CPEB2: variants seen among roughly 807,000 people sequenced by gnomAD.
The protein encoded by CPEB2 is cytoplasmic polyadenylation element binding protein 2.
CPEB2 carries 56 observed loss-of-function variants against 93.6 expected under a neutral mutation model. The observed-to-expected ratio is 0.60, with a 90% CI of 0.48 to 0.75. The LOEUF (loss-of-function observed/expected upper bound fraction) is 0.75, where lower values mean the gene tolerates loss of function less well. Among genes scored for constraint, CPEB2 ranks in the 30% least tolerant of loss-of-function variants. The pLI is 0.00. For synonymous variants in CPEB2, 764 were observed against 586.3 expected, an observed-to-expected ratio of 1.30 and a Z score of -4.38; for missense variants, 1,579 against 1,395.1, an observed-to-expected ratio of 1.13 and a Z score of -2.10.
chr4:15,054,300 G>A, intron 8 of CPEB2, 83 bp downstream of exon 8: 1 of 905,994 alleles, frequency 1.1e-6, no homozygotes, highest in Middle Eastern at 2.5e-4. Context: ...TAGCCAGTTA[G>A]GAATCATAAG....
chr4:15,060,697 AT>A (rs1288668071), intron 10 of CPEB2, among the ~76,000 whole-genome samples: 1 of 152,166 alleles, frequency 6.6e-6, no homozygotes, highest in Non-Finnish European at 1.5e-5. Flanking sequence ...AGAAATTTCA[AT>A]TAAACCATGG....
In CPEB2 at chr4:15,003,845, CACCCCA is replaced by C; in HGVS notation, c.1173_1178del (p.Pro394_Gln395del). On this transcript the variant is annotated inframe_deletion, in exon 1 of 12. Coordinates refer to ENST00000538197, the MANE Select transcript of CPEB2 (RefSeq NM_001177382.2). The stretch of plus-strand genomic sequence containing the variant: ...TGGTCGGTGCAGACCGCGTCGCCGC[CACCCCA>C]GCCCCAGCAGCCGCCGCCGACCCAG... 1 of 887,314 alleles carries C rather than the reference CACCCCA, an allele frequency of 1.1e-6. No individual in the cohort carries two copies. 55.0% of individuals were successfully genotyped at this position (887,314 alleles called of 1,614,324 possible). A position where few individuals can be genotyped will look rare whatever the true frequency, so the allele number is the denominator to read the frequency against.
intron 3 of CPEB2, among the ~76,000 whole-genome samples, chr4:15,015,923 ATC>A (rs1265631618): frequency 6.6e-6 from 1 of 152,040 alleles, no homozygotes; most frequent in African/African-American, 2.4e-5. Flanking sequence ...TAAATGTGGC[ATC>A]TCTGTCTCTC....
intron 1 of CPEB2, among the ~76,000 whole-genome samples, chr4:15,006,881 A>G (rs1281641445): frequency 6.6e-6 from 1 of 152,184 alleles, no homozygotes; most frequent in East Asian, 1.9e-4. Context: ...TATGAGTAGG[A>G]TATTTTAATT....
chr4:15,005,033 C>G (rs960999982), intron 1 of CPEB2: 10 of 152,180 alleles, frequency 6.6e-5, no homozygotes, highest in Non-Finnish European at 1.3e-4. Flanking sequence ...AAGCTCCGCC[C>G]GATCAACCTG....
chr4:15,069,936 TTATGGACACTAGG>T lies in CPEB2; in HGVS notation c.*3559_*3571del, dbSNP rs566220196. The T allele has an allele frequency of 1.3e-3, 193 of 152,328 alleles. No homozygotes were observed. The highest frequency in any genetic ancestry group is 4.6e-3 in the African/African-American group (191 of 41,526). The allele number at this position is 152,328 out of a possible 1,614,324, so 9.4% of individuals were successfully genotyped here. A position where few individuals can be genotyped will look rare whatever the true frequency, so the allele number is the denominator to read the frequency against. ...CTAAATAAAAAGAGAACCCATGCTT[TTATGGACACTAGG>T]TAAACACCTTCAGCTTAAATTTTTC... On this transcript the variant is annotated 3_prime_UTR_variant, in exon 12 of 12. Transcript: ENST00000538197.
At position 15,007,507 on chromosome 4, in the gene CPEB2, C is replaced by T; in HGVS notation, c.1865C>T (p.Pro622Leu). 1.2e-6 allele frequency: 2 copies of T among 1,613,936 alleles called. No homozygotes were observed. The highest frequency in any genetic ancestry group is 1.7e-6 in the Non-Finnish European group (2 of 1,179,856). ...IAPPKFTRST[P>L]SLTPKSWIED... ...CCACCGAAATTTACTCGCTCAACTCCATCACTGACTCCAAAATCTTGGATT... is the reference window on the plus strand; with the variant it reads ...CCACCGAAATTTACTCGCTCAACTCTATCACTGACTCCAAAATCTTGGATT... The change falls in exon 2 of 12, where the codon CCA becomes CTA. Residue 622 changes from proline (P) to leucine (L), a missense_variant. Around this residue, in one of 2 missense-constraint regions of CPEB2, gnomAD observed 1,411 missense variants for 1,056.0 expected, o/e 1.34. Transcript: ENST00000538197.
Position 15,003,412 on chromosome 4 carries a change from C to A in CPEB2, c.739C>A (p.Gln247Lys), listed in dbSNP as rs867024774. The change falls in exon 1 of 12, where the codon CAG becomes AAG. Residue 247 changes from glutamine (Q) to lysine (K), a missense_variant. By Grantham distance (53) the Gln-to-Lys change is moderately conservative. This residue lies in a region of CPEB2 where 1,411 missense variants were observed against 1,056.0 expected (regional missense o/e 1.34). Coordinates refer to ENST00000538197, the MANE Select transcript of CPEB2 (RefSeq NM_001177382.2). ...SLLHQQHLSP[Q>K]DFAPRQRPAD... ...CCTGCATCAGCAGCACCTCTCGCCG[C>A]AGGACTTCGCCCCGCGGCAGCGTCC... 8.1e-6 allele frequency: 11 copies of A among 1,361,160 alleles called. No homozygotes were observed. The highest frequency in any genetic ancestry group is 4.0e-5 in the Admixed American group (1 of 24,772). 84.3% of individuals were successfully genotyped at this position (1,361,160 alleles called of 1,614,324 possible). A position where few individuals can be genotyped will look rare whatever the true frequency, so the allele number is the denominator to read the frequency against.
intron 3 of CPEB2, among the ~76,000 whole-genome samples, chr4:15,014,220 G>A (rs983295138): frequency 2.3e-4 from 35 of 152,014 alleles, no homozygotes; most frequent in African/African-American, 8.4e-4. Flanking sequence ...AAGGTCATCG[G>A]TTGACTGGGC....
chr4:15,024,863 A>G (rs1200911357), intron 4 of CPEB2, among the ~76,000 whole-genome samples: 2 of 150,794 alleles, frequency 1.3e-5, no homozygotes, highest in Admixed American at 1.3e-4. Flanking sequence ...CTCCTGCCTC[A>G]GCCTCCCAAG....
At chr4:15,040,062 C>A (rs996702396) in intron 5 of CPEB2, among the ~76,000 whole-genome samples, 2 of 152,044 alleles carry the variant, frequency 1.3e-5, no homozygotes, top group Non-Finnish European at 2.9e-5. Flanking sequence ...TATGCCATAC[C>A]ATTCTTTATA....
At chr4:15,057,364 T>C (rs1404517852) in intron 8 of CPEB2, among the ~76,000 whole-genome samples, 3 of 152,178 alleles carry the variant, frequency 2.0e-5, no homozygotes, top group Admixed American at 2.0e-4. Context: ...CATCAGACTT[T>C]TGTGGCATAA....
At chr4:15,037,737 A>G (rs1446326080) in intron 5 of CPEB2, among the ~76,000 whole-genome samples, 3 of 152,200 alleles carry the variant, frequency 2.0e-5, no homozygotes, top group Non-Finnish European at 2.9e-5. Flanking sequence ...ATCAACAGGT[A>G]TGTTAAATAG....
chr4:15,013,499 C>T (rs967101115), intron 3 of CPEB2, among the ~76,000 whole-genome samples: 7 of 151,832 alleles, frequency 4.6e-5, no homozygotes, highest in African/African-American at 1.7e-4. Flanking sequence ...TGCCTTAGTT[C>T]TTCTATTTAG....
At chr4:15,039,366 T>C (rs190742968) in intron 5 of CPEB2, among the ~76,000 whole-genome samples, 1 of 152,202 alleles carries the variant, frequency 6.6e-6, no homozygotes, top group Admixed American at 6.5e-5. Context: ...TAATGTGAAA[T>C]GTTTTCTTTT....
intron 9 of CPEB2, 136 bp downstream of exon 9, chr4:15,058,675 T>C: frequency 1.6e-6 from 1 of 615,404 alleles, no homozygotes. Flanking sequence ...AGATAATTTA[T>C]AGCAGGAGTC....
intron 6 of CPEB2, among the ~76,000 whole-genome samples, chr4:15,046,590 G>T (rs1356196973): frequency 6.6e-6 from 1 of 152,040 alleles, no homozygotes; most frequent in African/African-American, 2.4e-5. Flanking sequence ...GCTCTAATTT[G>T]CAGTTTCCTG....
intron 4 of CPEB2, among the ~76,000 whole-genome samples, chr4:15,027,459 A>G (rs1012763710): frequency 2.0e-5 from 3 of 152,196 alleles, no homozygotes; most frequent in African/African-American, 7.2e-5. Flanking sequence ...TGAGGCATGC[A>G]TTGAAATTTG....
rs1468223740 is a variant in CPEB2, at chr4:15,003,829, C to A, written c.1156C>A (p.Gln386Lys). ...CGGCTTCGGCACCCCCTGGTCGGTG[C>A]AGACCGCGTCGCCGCCACCCCAGCC... ...LPGFGTPWSVQTASPPPQPQQ... is the reference protein window; with the variant it reads ...LPGFGTPWSVKTASPPPQPQQ... Residue 386 changes from glutamine to lysine, a missense_variant, in exon 1 of 12, where the codon CAG (glutamine) becomes AAG (lysine). Physicochemically the swap from Gln to Lys is moderately conservative, Grantham distance 53 (BLOSUM62 1). Around this residue, in one of 2 missense-constraint regions of CPEB2, gnomAD observed 1,411 missense variants for 1,056.0 expected, o/e 1.34. Transcript: ENST00000538197. 1.1e-5 allele frequency: 10 copies of A among 940,910 alleles called. No homozygotes were observed. The highest frequency in any genetic ancestry group is 1.3e-5 in the Non-Finnish European group (9 of 719,796). 58.3% of individuals were successfully genotyped at this position (940,910 alleles called of 1,614,324 possible).
Sources: allele counts gnomAD v4.1 joint callset (sites outside exome capture counted in the v4.1 genomes callset), GRCh38; gene constraint gnomAD v4.1.1; regional missense constraint gnomAD v4.1.1; transcripts MANE v1.5; gene names NCBI Gene and HGNC (gene_info 2026-07-23, HGNC 2026-07-21).